PRPSAP1: variants seen among roughly 807,000 people sequenced by gnomAD.
PRPSAP1 encodes phosphoribosyl pyrophosphate synthase-associated protein 1.
A neutral mutation model predicts 39.4 loss-of-function variants in PRPSAP1; 31 were observed. The observed-to-expected ratio is 0.79, with a 90% CI of 0.59 to 1.06. PRPSAP1 has a LOEUF of 1.06. Among genes scored for constraint, PRPSAP1 ranks in the 50% least tolerant of loss-of-function variants. The probability of loss-of-function intolerance (pLI) is 0.00; values close to 1 mark genes in which losing one functional copy is unlikely to be tolerated. For synonymous variants in PRPSAP1, 212 were observed against 192.6 expected (o/e 1.10, Z -0.83); for missense variants, 430 against 511.6 (o/e 0.84, Z 1.54).
chr17:76,337,670 A>G (rs555856677), intron 3 of PRPSAP1, among the ~76,000 whole-genome samples: 20 of 152,310 alleles, frequency 1.3e-4, no homozygotes, highest in African/African-American at 4.3e-4. Context: ...CAGTAGCACC[A>G]TCTTGGCTCA....
At chr17:76,350,236 G>A (rs892563298) in intron 1 of PRPSAP1, among the ~76,000 whole-genome samples, 7 of 151,656 alleles carry the variant, frequency 4.6e-5, no homozygotes, top group Admixed American at 2.6e-4. Flanking sequence ...TCAGGAGATC[G>A]AGACCACCCT....
At position 76,336,449 on chromosome 17, in the gene PRPSAP1, AAG is replaced by A. The variant is rs2071380454; in HGVS notation, c.291-4016_291-4015del. ...CGAGAATCTTTCTCAAAAAAAAAAA[AAG>A]GCCAGGCACGGTGGCTCACACCTGT... On this transcript the variant is annotated intron_variant, in intron 3 of 9. Coordinates refer to ENST00000446526, the MANE Select transcript of PRPSAP1 (RefSeq NM_002766.3). 2.0e-5 allele frequency among the ~76,000 whole-genome samples: 3 copies of A among 147,546 alleles called. No individual in the cohort carries two copies. The South Asian group carries it at 6.5e-4, about 32-fold the overall frequency.
At chr17:76,330,443 A>C in intron 5 of PRPSAP1, 108 bp downstream of exon 5, 1 of 803,930 alleles carries the variant, frequency 1.2e-6, no homozygotes, top group East Asian at 2.6e-5. Flanking sequence ...ATTGTGACTT[A>C]AGGGAGAGCT....
chr17:76,332,513 A>G, intron 3 of PRPSAP1, 78 bp from the exon 4 acceptor site: 2 of 1,524,338 alleles, frequency 1.3e-6, no homozygotes, highest in Non-Finnish European at 1.8e-6. Context: ...TATCAACTTA[A>G]CATGGGCTGC....
chr17:76,319,849 T>C (rs2071170039), intron 7 of PRPSAP1, among the ~76,000 whole-genome samples: 2 of 152,170 alleles, frequency 1.3e-5, no homozygotes, highest in South Asian at 4.1e-4. Context: ...AAGCACAAGA[T>C]GAACACGGGG....
intron 2 of PRPSAP1, among the ~76,000 whole-genome samples, chr17:76,347,170 C>G (rs1051043725): frequency 1.3e-5 from 2 of 150,648 alleles, no homozygotes; most frequent in African/African-American, 4.9e-5. Flanking sequence ...AGCAGAGGGG[C>G]AGGCAGTTAG....
In PRPSAP1 at chr17:76,329,048, G is replaced by A. The variant is rs998953961; in HGVS notation, c.636-186C>T. ...TGACTCAAAGGGCACGTGAGTTAGG[G>A]TTTGGGATTGTATCTGATTCTAGAC... On this transcript the variant is annotated intron_variant, in intron 6 of 9. Transcript: ENST00000446526. 4 of 635,684 alleles carry A rather than the reference G, an allele frequency of 6.3e-6. No individual in the cohort carries two copies. The African/African-American group carries it at 7.6e-5, about 12-fold the overall frequency. 39.4% of individuals were successfully genotyped at this position (635,684 alleles called of 1,614,324 possible).
Position 76,344,740 on chromosome 17 carries a change from G to C in PRPSAP1, c.224-3C>G. On this transcript the variant is annotated splice_region_variant and splice_polypyrimidine_tract_variant and intron_variant, in intron 2 of 9. Transcript: ENST00000446526. ...TTCTTTTATTTCAACTCTTGTTTCT[G>C]AAAAATAAAAATGTTCTGAAGTTTT... is the stretch of plus-strand genomic sequence containing the variant. 6.4e-7 allele frequency: 1 copy of C among 1,553,440 alleles called. No individual in the cohort carries two copies. The highest frequency in any genetic ancestry group is 8.8e-7 in the Non-Finnish European group (1 of 1,140,658).
chr17:76,337,096 T>C (rs2071387328), intron 3 of PRPSAP1, among the ~76,000 whole-genome samples: 1 of 152,208 alleles, frequency 6.6e-6, no homozygotes, highest in Non-Finnish European at 1.5e-5. Flanking sequence ...TCTTTCTTTT[T>C]TTTAAATAGA....
chr17:76,320,998 G>A (rs985334718), intron 7 of PRPSAP1, among the ~76,000 whole-genome samples: 15 of 151,876 alleles, frequency 9.9e-5, no homozygotes, highest in Non-Finnish European at 2.1e-4. Flanking sequence ...GCCCAGGCTA[G>A]TCTCGAACTC....
At position 76,330,079 on chromosome 17, in the gene PRPSAP1, G is replaced by A; in HGVS notation, c.599C>T (p.Ala200Val). Residue 200 changes from alanine (A) to valine (V), a missense_variant, in exon 6 of 10, where the codon GCA becomes GTA. By Grantham distance (64) the Ala-to-Val change is moderately conservative. Coordinates refer to ENST00000446526, the MANE Select transcript of PRPSAP1 (RefSeq NM_002766.3). ...ATCAGGAGACTTAGCTACAATGACT[G>A]CATTTCTGTAATTTGGAATCTAGAT... ...IQEEIPNYRNAVIVAKSPDAA... is the reference protein window; with the variant it reads ...IQEEIPNYRNVVIVAKSPDAA... 1 of 1,613,418 alleles carries A rather than the reference G, an allele frequency of 6.2e-7. No homozygotes were observed. The highest frequency in any genetic ancestry group is 8.5e-7 in the Non-Finnish European group (1 of 1,179,420).
chr17:76,354,176 G>A, upstream of PRPSAP1: 1 of 988,946 alleles, frequency 1.0e-6, no homozygotes, highest in Non-Finnish European at 1.2e-6. Context: ...GTCCGCCTCC[G>A]AGGAGGTATA....
chr17:76,320,496 T>A (rs2071184720), intron 7 of PRPSAP1, among the ~76,000 whole-genome samples: 1 of 143,664 alleles, frequency 7.0e-6, no homozygotes, highest in Non-Finnish European at 1.5e-5. Flanking sequence ...ACGATCTCAG[T>A]TCACTCCAAC....
intron 2 of PRPSAP1, chr17:76,345,963 C>A: frequency 2.1e-6 from 1 of 468,612 alleles, no homozygotes; most frequent in South Asian, 1.5e-5. Context: ...GAGCCCAGGC[C>A]TAAAAAGGCC....
chr17:76,345,726 T>C (rs2143542859), intron 2 of PRPSAP1: 1 of 196,636 alleles, frequency 5.1e-6, no homozygotes, highest in East Asian at 1.7e-4. Context: ...AGAATAAGTC[T>C]TGGAGCAGTA....
chr17:76,311,872 G>C (rs1357227560), intron 9 of PRPSAP1, among the ~76,000 whole-genome samples, 172 bp from the exon 10 acceptor site: 1 of 152,068 alleles, frequency 6.6e-6, no homozygotes, highest in Non-Finnish European at 1.5e-5. Context: ...TTTATGCAAA[G>C]GAAAAGTTAC....
At chr17:76,347,508 A>G (rs1278028602) in intron 2 of PRPSAP1, among the ~76,000 whole-genome samples, 5 of 149,544 alleles carry the variant, frequency 3.3e-5, no homozygotes, top group Middle Eastern at 3.4e-3. Context: ...AAAAAAAAAA[A>G]AAAAGAAAGC....
At chr17:76,335,357 TTTTTG>T (rs775817293) in intron 3 of PRPSAP1, among the ~76,000 whole-genome samples, 17 of 152,020 alleles carry the variant, frequency 1.1e-4, no homozygotes, top group Non-Finnish European at 5.9e-5. Context: ...TTTTTTTTGT[TTTTTG>T]TTTTGTTTTG....
In PRPSAP1 at chr17:76,312,947, T is replaced by C; in HGVS notation, c.922A>G (p.Lys308Glu). Residue 308 changes from lysine to glutamate, a missense_variant, in exon 9 of 10, where the codon AAG becomes GAG. Lys to Glu is a moderately conservative substitution (Grantham distance 56, BLOSUM62 1). Around this residue, in one of 2 missense-constraint regions of PRPSAP1, gnomAD observed 278 missense variants for 376.3 expected, o/e 0.74. Coordinates refer to ENST00000446526, the MANE Select transcript of PRPSAP1 (RefSeq NM_002766.3). ...AEILKERGAY[K>E]IYVMATHGIL... ...CCGTGGGTGGCCATAACATAGATCT[T>C]ATAGGCGCCTCTCTCTTTCAGGATC... The C allele has an allele frequency of 6.2e-7, 1 of 1,614,122 alleles. No individual in the cohort carries two copies. The highest frequency in any genetic ancestry group is 8.5e-7 in the Non-Finnish European group (1 of 1,180,016).
Sources: gnomAD v4.1 joint callset for allele counts (sites outside exome capture counted in the v4.1 genomes callset) on GRCh38, gnomAD v4.1.1 for gene constraint, gnomAD v4.1.1 regional missense constraint, MANE v1.5 for transcripts, NCBI Gene and HGNC (gene_info 2026-07-23, HGNC 2026-07-21) for gene names.